The following SLC25A48 variants were observed in gnomAD, a reference collection of about 807,000 sequenced individuals.
SLC25A48 encodes CTC-321K16.1.
A neutral mutation model predicts 32.2 loss-of-function variants in SLC25A48; 29 were observed. The observed-to-expected ratio is 0.90, with a 90% CI of 0.67 to 1.23. The LOEUF is 1.23. SLC25A48 is among the 50% of genes most tolerant of loss of function. SLC25A48 has a pLI of 0.00. For synonymous variants in SLC25A48, 164 were observed against 172.3 expected, an observed-to-expected ratio of 0.95 and a Z score of 0.38; for missense variants, 399 against 422.7, an observed-to-expected ratio of 0.94 and a Z score of 0.49.
chr5:135,626,041 AC>A (rs1561764065), intron 1 of SLC25A48, among the ~76,000 whole-genome samples: 1 of 152,188 alleles, frequency 6.6e-6, no homozygotes, highest in Non-Finnish European at 1.5e-5. Context: ...AGGCCCTAAA[AC>A]CCAGGCTGAA....
intron 2 of SLC25A48, among the ~76,000 whole-genome samples, chr5:135,630,322 A>G (rs1192082277): frequency 6.6e-6 from 1 of 151,962 alleles, no homozygotes; most frequent in African/African-American, 2.4e-5. Context: ...TCTAAGAAAA[A>G]TCTCTTCCTT....
At chr5:135,645,482 G>A (rs1480525926) in intron 3 of SLC25A48, among the ~76,000 whole-genome samples, 1 of 152,142 alleles carries the variant, frequency 6.6e-6, no homozygotes, top group Non-Finnish European at 1.5e-5. Context: ...GATTGATTCA[G>A]CCACTAAGCG....
At chr5:135,723,276 C>T (rs1461642066) in intron 3 of SLC25A48, among the ~76,000 whole-genome samples, 1 of 152,120 alleles carries the variant, frequency 6.6e-6, no homozygotes, top group East Asian at 1.9e-4. Context: ...ACTATTCTTT[C>T]AGCTACTAGA....
chr5:135,672,201 C>T (rs769883009), intron 3 of SLC25A48, among the ~76,000 whole-genome samples: 9 of 152,170 alleles, frequency 5.9e-5, no homozygotes, highest in Non-Finnish European at 8.8e-5. Flanking sequence ...ATCACGAACC[C>T]TTCTGGAGAT....
In SLC25A48 at chr5:135,888,240, A is replaced by G. The variant is rs374384000; in HGVS notation, c.*216A>G. 2.9e-4 allele frequency: 175 copies of G among 605,208 alleles called. 1 individual carries two copies. In the East Asian group the frequency reaches 3.9e-3, roughly 13 times the overall value. The allele number at this position is 605,208 out of a possible 1,614,324, so 37.5% of individuals were successfully genotyped here. A position where few individuals can be genotyped will look rare whatever the true frequency, so the allele number is the denominator to read the frequency against. ...AAGCCCTCCAAGGTTCTGATCCCCA[A>G]TGCCCACTCTGCTAGGCTGGCATCA... On this transcript the variant is annotated 3_prime_UTR_variant, in exon 8 of 8. Transcript: ENST00000681962.
chr5:135,834,664 C>T lies in SLC25A48; in HGVS notation c.-184C>T, dbSNP rs1054366036. Reference sequence around the variant, plus strand: ...GCGTGATGTCAGCCGCCCTCCGGCACTTGGAGAGGTGAGCGCGGCAGCCCG... The same window carrying T: ...GCGTGATGTCAGCCGCCCTCCGGCATTTGGAGAGGTGAGCGCGGCAGCCCG... On this transcript the variant is annotated 5_prime_UTR_variant, in exon 1 of 8. Coordinates refer to ENST00000681962, the MANE Select transcript of SLC25A48 (RefSeq NM_001349336.2). 1 of 625,134 alleles carries T rather than the reference C, an allele frequency of 1.6e-6. No homozygotes were observed. Among genetic ancestry groups the T allele is most frequent in the South Asian group, 2.2e-5 (1 of 44,980 alleles). 38.7% of individuals were successfully genotyped at this position (625,134 alleles called of 1,614,324 possible).
chr5:135,703,555 C>G (rs1362698661), intron 3 of SLC25A48, among the ~76,000 whole-genome samples: 1 of 152,176 alleles, frequency 6.6e-6, no homozygotes, highest in Non-Finnish European at 1.5e-5. Flanking sequence ...CAGTTTTCCC[C>G]ACAACCCGTC....
At chr5:135,581,841 G>A (rs1218552040) in intron 1 of SLC25A48, among the ~76,000 whole-genome samples, 1 of 152,242 alleles carries the variant, frequency 6.6e-6, no homozygotes, top group Non-Finnish European at 1.5e-5. Context: ...CCTGCTGCCA[G>A]CAGGTCTGTG....
In SLC25A48 at chr5:135,783,960, AG is replaced by A. The variant is rs1403375621; in HGVS notation, c.-520-28557del. ...CCATGTGATATTGTTGCTAATAATC[AG>A]GGGGGAAAAGGATGATATTGCTCCC... On this transcript the variant is annotated intron_variant, in intron 3 of 10. Transcript: ENST00000646290. Among the ~76,000 whole-genome samples, 74 of 118,152 alleles carry A rather than the reference AG, an allele frequency of 6.3e-4. 10 individuals are homozygous for A. The highest frequency in any genetic ancestry group is 1.9e-3 in the African/African-American group (72 of 38,864). The allele number at this position is 118,152 out of a possible 152,430, so 77.5% of individuals were successfully genotyped here.
chr5:135,744,363 T>G (rs1391777431), intron 3 of SLC25A48, among the ~76,000 whole-genome samples: 3 of 149,398 alleles, frequency 2.0e-5, no homozygotes, highest in Non-Finnish European at 4.5e-5. Flanking sequence ...ATTTTTTTTT[T>G]CTTTTGAGAC....
At chr5:135,874,625 C>T (rs207466421) in intron 6 of SLC25A48, 1 of 687,736 alleles carries the variant, frequency 1.5e-6, no homozygotes, top group Non-Finnish European at 2.6e-6. Context: ...TGCTCTCCCA[C>T]CTGAGCCCTG....
chr5:135,645,414 G>T (rs533018240), intron 3 of SLC25A48, among the ~76,000 whole-genome samples: 43 of 152,308 alleles, frequency 2.8e-4, no homozygotes, highest in African/African-American at 8.9e-4. Context: ...GCTAGCTGGC[G>T]TCACCACTAG....
intron 3 of SLC25A48, among the ~76,000 whole-genome samples, chr5:135,661,936 T>A (rs1351465868): frequency 6.6e-6 from 1 of 152,204 alleles, no homozygotes; most frequent in Non-Finnish European, 1.5e-5. Context: ...CAAGTTGCAG[T>A]AAACATTCTC....
chr5:135,652,293 T>C, intron 3 of SLC25A48: 5 of 440,628 alleles, frequency 1.1e-5, no homozygotes, highest in Non-Finnish European at 2.3e-5. Flanking sequence ...ACCTTTTCTA[T>C]TATGAAGGAG....
intron 3 of SLC25A48, among the ~76,000 whole-genome samples, chr5:135,677,738 A>C (rs2126947390): frequency 6.6e-6 from 1 of 152,238 alleles, no homozygotes; most frequent in East Asian, 1.9e-4. Flanking sequence ...GCATTTGCTT[A>C]TCTGGGAAAA....
chr5:135,603,859 A>AGTGGGAG (rs75004128), intron 1 of SLC25A48, among the ~76,000 whole-genome samples: 72,186 of 151,030 alleles, frequency 0.48, 17,500 homozygotes, highest in African/African-American at 0.57. Context: ...TCCACTGTGA[A>AGTGGGAG]GTGGGAGGTG....
At chr5:135,737,025 G>T (rs536004110) in intron 3 of SLC25A48, among the ~76,000 whole-genome samples, 1 of 152,208 alleles carries the variant, frequency 6.6e-6, no homozygotes, top group Non-Finnish European at 1.5e-5. Flanking sequence ...ATGGAGTAAA[G>T]AGCAGGAGGA....
At chr5:135,742,635 C>G in intron 3 of SLC25A48, 1 of 624,940 alleles carries the variant, frequency 1.6e-6, no homozygotes. Flanking sequence ...CTGACCGAAC[C>G]TCGAATGTCA....
chr5:135,740,731 A>G lies in SLC25A48; in HGVS notation c.-520-71792A>G, dbSNP rs1463828034. On this transcript the variant is annotated intron_variant, in intron 3 of 10. Coordinates refer to the SLC25A48 transcript ENST00000646290. The stretch of plus-strand genomic sequence containing the variant: ...TTGTGGTTTAACAAGCTCTTTCAAT[A>G]AATACTTGGTGGACAGATGCTGGGG... 4.6e-5 allele frequency among the ~76,000 whole-genome samples: 7 copies of G among 152,314 alleles called. No homozygotes were observed. In the South Asian group the frequency reaches 1.5e-3, roughly 32 times the overall value.
Sources: allele counts gnomAD v4.1 joint callset (sites outside exome capture counted in the v4.1 genomes callset), GRCh38; gene constraint gnomAD v4.1.1; transcripts MANE v1.5; gene names NCBI Gene and HGNC (gene_info 2026-07-23, HGNC 2026-07-21).